ZNF146: variants seen among roughly 807,000 people sequenced by gnomAD.
ZNF146 encodes the protein zinc finger protein 146.
In ZNF146, 9 loss-of-function variants were observed where a neutral mutation model predicts 22.2. The observed-to-expected ratio is 0.41, with a 90% CI of 0.24 to 0.71. ZNF146 has a LOEUF of 0.71. Among genes scored for constraint, ZNF146 ranks in the 30% least tolerant of loss-of-function variants. The probability of loss-of-function intolerance (pLI) is 0.34; values close to 1 mark genes in which losing one functional copy is unlikely to be tolerated. For missense variants in ZNF146, 194 were observed against 344.8 expected (o/e 0.56, Z 3.46); for synonymous variants, 108 against 119.2 (o/e 0.91, Z 0.61).
chr19:36,222,839 T>G (rs1976909308), intron 2 of ZNF146, among the ~76,000 whole-genome samples: 1 of 136,558 alleles, frequency 7.3e-6, no homozygotes. Flanking sequence ...CAGTGGTTTC[T>G]TTTTTTTTTA....
rs571442292 is a variant in ZNF146, at chr19:36,236,264, G to T, written c.-177G>T. ...AGAGAGAAAGCATTGAATATACTGA[G>T]TATGATAACATTTCCTCTCAAACCT... On this transcript the variant is annotated 5_prime_UTR_variant, in exon 4 of 4. Transcript: ENST00000443387. The T allele has an allele frequency of 3.7e-5, 27 of 730,466 alleles. No homozygotes were observed. Among genetic ancestry groups the T allele is most frequent in the Non-Finnish European group, 5.1e-5 (24 of 470,514 alleles). 45.2% of individuals were successfully genotyped at this position (730,466 alleles called of 1,614,324 possible). A position where few individuals can be genotyped will look rare whatever the true frequency, so the allele number is the denominator to read the frequency against.
chr19:36,220,804 T>TA (rs972135846), intron 2 of ZNF146, among the ~76,000 whole-genome samples: 11 of 152,148 alleles, frequency 7.2e-5, no homozygotes, highest in Non-Finnish European at 1.2e-4. Context: ...TGTATCATGT[T>TA]AAAAAATTCT....
chr19:36,222,929 C>G (rs1438336904), intron 2 of ZNF146, among the ~76,000 whole-genome samples: 1 of 151,192 alleles, frequency 6.6e-6, no homozygotes, highest in Admixed American at 6.6e-5. Flanking sequence ...AGAATGAGCC[C>G]CCTGTGGTTG....
At chr19:36,222,236 C>A (rs1181491637) in intron 2 of ZNF146, among the ~76,000 whole-genome samples, 1 of 152,126 alleles carries the variant, frequency 6.6e-6, no homozygotes, top group African/African-American at 2.4e-5. Flanking sequence ...GGTGTTCCTT[C>A]TTAATCATAA....
Position 36,236,593 on chromosome 19 carries a change from A to G in ZNF146, c.153A>G (p.Lys51=), listed in dbSNP as rs918894274. The change falls in exon 4 of 4, where the codon AAA becomes AAG. Residue 51 remains lysine (K), a synonymous_variant. Coordinates refer to ENST00000443387, the MANE Select transcript of ZNF146 (RefSeq NM_007145.3). The stretch of plus-strand genomic sequence containing the variant: ...CTTTTGAATGTAACGAGTGTGGAAA[A>G]GCCTTTAGCCAAAAGCAGTATGTCA... ...EKPFECNECG[K]AFSQKQYVIK... The G allele has an allele frequency of 6.2e-7, 1 of 1,614,094 alleles. No individual in the cohort carries two copies. Among genetic ancestry groups the G allele is most frequent in the Non-Finnish European group, 8.5e-7 (1 of 1,180,040 alleles).
intron 1 of ZNF146, among the ~76,000 whole-genome samples, chr19:36,216,120 T>C (rs12459704): frequency 0.26 from 39,393 of 152,094 alleles, 5,505 homozygotes; most frequent in African/African-American, 0.37. Flanking sequence ...TTAATATCTA[T>C]AAATAAATAG....
At position 36,236,387 on chromosome 19, in the gene ZNF146, C is replaced by A. The variant is rs1977644168; in HGVS notation, c.-54C>A. Reference sequence around the variant, plus strand: ...CAGCCAAAAGTAAATCCTCACTCATCAAGAAATTTTTACTGGAGAGAAACC... The same window carrying A: ...CAGCCAAAAGTAAATCCTCACTCATAAAGAAATTTTTACTGGAGAGAAACC... On this transcript the variant is annotated 5_prime_UTR_variant, in exon 4 of 4. An upstream open reading frame in the 5' UTR gains an earlier in-frame stop. Transcript: ENST00000443387. The A allele has an allele frequency of 2.3e-5, 36 of 1,537,836 alleles. No homozygotes were observed. In the South Asian group the frequency reaches 4.0e-4, roughly 17 times the overall value.
At chr19:36,218,565 A>G (rs1976709128) in intron 2 of ZNF146, among the ~76,000 whole-genome samples, 1 of 151,082 alleles carries the variant, frequency 6.6e-6, no homozygotes, top group Non-Finnish European at 1.5e-5. Context: ...TCCCTGGTTC[A>G]TGCCATTCTC....
In ZNF146 at chr19:36,236,802, C is replaced by G. The variant is rs1216313696; in HGVS notation, c.362C>G (p.Thr121Ser). ...QKSNLIRHQR[T>S]HTGEKPFVCK... The stretch of plus-strand genomic sequence containing the variant: ...TCAAACCTCATCAGACACCAGAGAA[C>G]TCACACAGGAGAGAAGCCCTTTGTA... Residue 121 changes from threonine to serine, a missense_variant, in exon 4 of 4, where the codon ACT becomes AGT. Physicochemically the swap from Thr to Ser is moderately conservative, Grantham distance 58. Around this residue, in one of 2 missense-constraint regions of ZNF146, gnomAD observed 147 missense variants for 300.1 expected, o/e 0.49. Transcript: ENST00000443387. 1 of 1,614,080 alleles carries G rather than the reference C, an allele frequency of 6.2e-7. No homozygotes were observed. The highest frequency in any genetic ancestry group is 2.2e-5 in the East Asian group (1 of 44,864).
At chr19:36,223,727 T>C (rs1462396302) in intron 2 of ZNF146, among the ~76,000 whole-genome samples, 1 of 152,144 alleles carries the variant, frequency 6.6e-6, no homozygotes, top group Non-Finnish European at 1.5e-5. Flanking sequence ...ATTTTCAAAT[T>C]CTTATAAAGT....
intron 2 of ZNF146, among the ~76,000 whole-genome samples, chr19:36,227,959 G>C (rs927899555): frequency 6.6e-6 from 1 of 152,110 alleles, no homozygotes; most frequent in African/African-American, 2.4e-5. Flanking sequence ...TCAGGAGTTC[G>C]AGACCAGCCT....
chr19:36,220,683 A>G (rs1424928997), intron 2 of ZNF146, among the ~76,000 whole-genome samples: 1 of 151,966 alleles, frequency 6.6e-6, no homozygotes, highest in Non-Finnish European at 1.5e-5. Context: ...TGTATTTTAT[A>G]GTAAAAAATA....
intron 3 of ZNF146, among the ~76,000 whole-genome samples, chr19:36,234,716 C>T (rs1977570973): frequency 6.6e-6 from 1 of 152,152 alleles, no homozygotes; most frequent in Non-Finnish European, 1.5e-5. Context: ...CTTTTGTCTT[C>T]AGCTGCAGAA....
intron 2 of ZNF146, among the ~76,000 whole-genome samples, chr19:36,228,158 CAAAAAA>C (rs71171422): frequency 2.8e-5 from 3 of 106,644 alleles, no homozygotes; most frequent in African/African-American, 4.0e-5. Flanking sequence ...GAAACTGTCT[CAAAAAA>C]AAAAAAAAAA....
chr19:36,229,266 C>CGAGA (rs1275966091), intron 3 of ZNF146, among the ~76,000 whole-genome samples: 1 of 152,226 alleles, frequency 6.6e-6, no homozygotes, highest in African/African-American at 2.4e-5. Flanking sequence ...GTTGTCTTCT[C>CGAGA]ACTCATCTCT....
intron 1 of ZNF146, among the ~76,000 whole-genome samples, 171 bp from the exon 2 acceptor site, chr19:36,217,951 A>C (rs1976681878): frequency 1.3e-5 from 2 of 151,710 alleles, no homozygotes; most frequent in African/African-American, 4.8e-5. Context: ...GGGTGGGGGT[A>C]CTGGAATAGA....
intron 1 of ZNF146, among the ~76,000 whole-genome samples, chr19:36,217,690 G>C (rs1381097506): frequency 1.3e-5 from 2 of 152,004 alleles, no homozygotes; most frequent in African/African-American, 2.4e-5. Flanking sequence ...TTTGAGACCA[G>C]CGTGACCAAC....
chr19:36,216,550 G>A (rs1976613392), intron 1 of ZNF146, among the ~76,000 whole-genome samples: 1 of 151,270 alleles, frequency 6.6e-6, no homozygotes, highest in African/African-American at 2.4e-5. Flanking sequence ...CTGAGCTACC[G>A]CGGAGGCTGA....
At chr19:36,228,707 C>T (rs1267639215) in intron 2 of ZNF146, 41 bp from the exon 3 acceptor site, 1 of 152,136 alleles carries the variant, frequency 6.6e-6, no homozygotes, top group Non-Finnish European at 1.5e-5. Flanking sequence ...GTACTTTGGA[C>T]CCAGCATTAA....
Sources: allele counts gnomAD v4.1 joint callset (sites outside exome capture counted in the v4.1 genomes callset), GRCh38; gene constraint gnomAD v4.1.1; regional missense constraint gnomAD v4.1.1; transcripts MANE v1.5; gene names NCBI Gene and HGNC (gene_info 2026-07-23, HGNC 2026-07-21).